Variants in TRPM5 observed in about 807,000 individuals in gnomAD.
TRPM5 encodes the protein MLSN1 and TRP-related.
A neutral mutation model predicts 124.9 loss-of-function variants in TRPM5; 121 were observed. That is an observed-to-expected ratio of 0.97 (90% confidence interval 0.84 to 1.13). The LOEUF (loss-of-function observed/expected upper bound fraction) is 1.13, where lower values mean the gene tolerates loss of function less well. TRPM5 is among the 50% of genes most tolerant of loss of function. The pLI is 0.00. For synonymous variants in TRPM5, 781 were observed against 700.5 expected (o/e 1.11, Z -1.81); for missense variants, 1,643 against 1,589.1 (o/e 1.03, Z -0.58).
chr11:2,418,477 A>AC, intron 5 of TRPM5, 50 bp downstream of exon 10: 1 of 1,580,324 alleles, frequency 6.3e-7, no homozygotes, highest in Non-Finnish European at 8.6e-7. Flanking sequence ...AACCCACCGC[A>AC]CCCCTCCACA....
chr11:2,421,222 G>C (rs528150560), intron 2 of TRPM5, 24 bp from the exon 8 acceptor site: 1 of 1,527,706 alleles, frequency 6.5e-7, no homozygotes, highest in Non-Finnish European at 8.8e-7. Flanking sequence ...AGAGGGCCTC[G>C]TTGTGCCGCA....
chr11:2,411,246 G>C, intron 18 of TRPM5, 106 bp downstream of exon 23: 1 of 1,322,352 alleles, frequency 7.6e-7, no homozygotes, highest in South Asian at 1.6e-5. Flanking sequence ...CCAGGCTGGG[G>C]TCTCCATGGC....
chr11:2,413,566 C>A (rs776549636), exon 13 of TRPM5: 11 of 1,612,596 alleles, frequency 6.8e-6, no homozygotes, highest in Admixed American at 1.7e-5. Context: ...CATGTCCCCC[C>A]ACCAGATCCT....
chr11:2,405,580 G>C (rs375858812), exon 23 of TRPM5: 12 of 1,563,922 alleles, frequency 7.7e-6, no homozygotes, highest in Middle Eastern at 1.7e-4. Flanking sequence ...CACGAGCACC[G>C]AGCAGTAGTT....
At position 2,413,558 on chromosome 11, in the gene TRPM5, T is replaced by C. The variant is rs747499187; in HGVS notation, c.1921A>G (p.Met641Val). The C allele has an allele frequency of 1.9e-5, 30 of 1,612,564 alleles. No homozygotes were observed. The highest frequency in any genetic ancestry group is 2.5e-5 in the Non-Finnish European group (29 of 1,179,812). Reference sequence around the variant, plus strand: ...CGCAGGATGGGCGTGCCTGCGGCCATGTCCCCCCACCAGATCCTGGTCAGG... The same window carrying C: ...CGCAGGATGGGCGTGCCTGCGGCCACGTCCCCCCACCAGATCCTGGTCAGG... Residue 641 changes from methionine to valine, a missense_variant, in exon 13 of 24, where the codon ATG becomes GTG. By Grantham distance (21) the Met-to-Val change is conservative. Coordinates refer to ENST00000155858, the Ensembl canonical transcript of TRPM5.
In TRPM5 at chr11:2,415,329, C is replaced by T. The variant is rs80326119; in HGVS notation, c.1271G>A (p.Arg424His). ...CAGCAGGTCGAAGAGCAGGCTCTTG[C>T]GTGACACGGAGCGGTAGAGCTCCTG... The change falls in exon 9 of 24, where the codon CGC (arginine) becomes CAC (histidine). Residue 424 changes from arginine (R) to histidine (H), a missense_variant. Arg to His is a conservative substitution (Grantham distance 29). Coordinates refer to ENST00000155858, the Ensembl canonical transcript of TRPM5. 8.6e-4 allele frequency: 1,359 copies of T among 1,585,018 alleles called. 31 individuals carry two copies. In the East Asian group the frequency reaches 0.024, roughly 28 times the overall value.
At chr11:2,415,310 G>T in exon 9 of TRPM5, 3 of 1,583,322 alleles carry the variant, frequency 1.9e-6, no homozygotes, top group Non-Finnish European at 8.5e-7. Context: ...GCTGCAGCAG[G>T]TCGAAGAGCA....
intron 18 of TRPM5, chr11:2,410,659 C>T: frequency 2.2e-6 from 1 of 453,174 alleles, no homozygotes. Context: ...GGCTCTGACC[C>T]CCGCCCCCTC....
At chr11:2,431,467 G>A in the TRPM5 span, among the ~76,000 whole-genome samples, 1 of 152,104 alleles carries the variant, frequency 6.6e-6, no homozygotes, top group Non-Finnish European at 1.5e-5. Flanking sequence ...GGGGTTGGGA[G>A]GCACAGTCCT....
upstream of TRPM5, among the ~76,000 whole-genome samples, chr11:2,425,404 G>A (rs1338302457): frequency 1.3e-5 from 2 of 152,138 alleles, no homozygotes; most frequent in Admixed American, 6.5e-5. Flanking sequence ...GGTCTGCCTC[G>A]CCTGTCTGTG....
At chr11:2,434,108 G>T in the TRPM5 span, among the ~76,000 whole-genome samples, 4 of 151,724 alleles carry the variant, frequency 2.6e-5, no homozygotes, top group Non-Finnish European at 4.4e-5. Context: ...TGCTGTGTGT[G>T]AGTGTATGTA....
chr11:2,414,768 T>G, exon 11 of TRPM5: 1 of 1,554,324 alleles, frequency 6.4e-7, no homozygotes, highest in South Asian at 1.2e-5. Context: ...CGCCTCGGCC[T>G]CCGTCTCCAG....
At chr11:2,410,260 G>C (rs887717232) in intron 18 of TRPM5, among the ~76,000 whole-genome samples, 1 of 152,200 alleles carries the variant, frequency 6.6e-6, no homozygotes, top group Admixed American at 6.5e-5. Context: ...CGTCGCCCCC[G>C]CCTGTCCCCG....
Position 2,415,065 on chromosome 11 carries a change from C to T in TRPM5, c.1480-18G>A, listed in dbSNP as rs527855303. The T allele has an allele frequency of 5.5e-5, 88 of 1,594,228 alleles. No individual in the cohort carries two copies. The Admixed American group carries it at 8.3e-4, about 15-fold the overall frequency. On this transcript the variant is annotated intron_variant, in intron 9 of 23. Transcript: ENST00000155858. ...CCCTTCTCCTGGAGGACACGGGCGT[C>T]GGCCTCCTGCTGCGGCCCCAGCCTC... is the stretch of plus-strand genomic sequence containing the variant.
chr11:2,409,085 T>C (rs800346), intron 18 of TRPM5, among the ~76,000 whole-genome samples: 129,947 of 152,180 alleles, frequency 0.85, 55,566 homozygotes, highest in African/African-American at 0.9. Flanking sequence ...TTCTCCCTCC[T>C]AGGGTGAATT....
chr11:2,414,606 G>T lies in TRPM5; in HGVS notation c.1744+109C>A, dbSNP rs1241006813. The T allele has an allele frequency of 9.3e-6, 13 of 1,395,228 alleles. No individual in the cohort carries two copies. The African/African-American group carries it at 1.7e-4, about 19-fold the overall frequency. 86.4% of individuals were successfully genotyped at this position (1,395,228 alleles called of 1,614,324 possible). A position where few individuals can be genotyped will look rare whatever the true frequency, so the allele number is the denominator to read the frequency against. On this transcript the variant is annotated intron_variant, in intron 11 of 23. Transcript: ENST00000155858. ...GAGGAGGCCCCTGAGGGCACCTGGA[G>T]CCCCACGGCGGTAACAGGCAGCCCT... is the stretch of plus-strand genomic sequence containing the variant.
chr11:2,413,557 A>G (rs758446869), exon 13 of TRPM5: 7 of 1,612,526 alleles, frequency 4.3e-6, no homozygotes, highest in Non-Finnish European at 4.2e-6. Context: ...GCCTGCGGCC[A>G]TGTCCCCCCA....
At chr11:2,414,351 C>T in intron 11 of TRPM5, 145 bp from the exon 17 acceptor site, 4 of 1,236,552 alleles carry the variant, frequency 3.2e-6, no homozygotes, top group South Asian at 1.5e-5. Context: ...CCTTCTGCCC[C>T]CTCCGGCCTG....
intron 12 of TRPM5, 49 bp downstream of exon 17, chr11:2,414,012 C>CCCCCCCCCCCCCCCCCCACCCACACCAG: frequency 2.0e-6 from 1 of 498,164 alleles, no homozygotes; most frequent in Non-Finnish European, 3.9e-6. Flanking sequence ...CCAGCTCGCC[C>CCCCCCCCCCCCCCCCCCACCCACACCAG]GCCCACCCCA....
Sources: allele counts gnomAD v4.1 joint callset (sites outside exome capture counted in the v4.1 genomes callset), GRCh38; gene constraint gnomAD v4.1.1; transcripts MANE v1.5; gene names NCBI Gene and HGNC (gene_info 2026-07-23, HGNC 2026-07-21).